Variants in LRRC72 observed in about 807,000 individuals in gnomAD.
LRRC72 encodes leucine-rich repeat-containing protein 72.
Under a neutral mutation model 35.8 loss-of-function variants are expected in LRRC72, and 41 were observed. That is an observed-to-expected ratio of 1.15 (90% CI 0.89 to 1.49). The LOEUF (loss-of-function observed/expected upper bound fraction) is 1.49, where lower values mean the gene tolerates loss of function less well. LRRC72 is among the 40% of genes most tolerant of loss of function. The probability of loss-of-function intolerance (pLI) is 0.00; values close to 1 mark genes in which losing one functional copy is unlikely to be tolerated. For synonymous variants in LRRC72, 118 were observed against 119.2 expected, an observed-to-expected ratio of 0.99 and a Z score of 0.07; for missense variants, 389 against 330.7, an observed-to-expected ratio of 1.18 and a Z score of -1.37.
At chr7:16,536,443 A>G (rs925502675) in intron 2 of LRRC72, among the ~76,000 whole-genome samples, 7 of 152,018 alleles carry the variant, frequency 4.6e-5, no homozygotes, top group African/African-American at 1.4e-4. Flanking sequence ...CACATGCTGA[A>G]CTCCTTAAGC....
At chr7:16,535,398 A>G (rs1442177953) in intron 2 of LRRC72, among the ~76,000 whole-genome samples, 1 of 152,176 alleles carries the variant, frequency 6.6e-6, no homozygotes, top group Non-Finnish European at 1.5e-5. Flanking sequence ...AATGAATGAG[A>G]TAGAAGAGGA....
chr7:16,534,467 A>G (rs1782219195), intron 2 of LRRC72, among the ~76,000 whole-genome samples: 2 of 152,178 alleles, frequency 1.3e-5, no homozygotes, highest in African/African-American at 4.8e-5. Flanking sequence ...AAAAAGAAAA[A>G]TGAAAATGAA....
intron 3 of LRRC72, among the ~76,000 whole-genome samples, chr7:16,542,990 T>C (rs528509671): frequency 1.4e-4 from 21 of 152,316 alleles, no homozygotes; most frequent in Non-Finnish European, 2.8e-4. Flanking sequence ...TGAGTGGTTA[T>C]GGGATAAGTA....
chr7:16,560,663 C>G (rs1001663977), intron 5 of LRRC72, among the ~76,000 whole-genome samples: 2 of 151,176 alleles, frequency 1.3e-5, no homozygotes, highest in Non-Finnish European at 2.9e-5. Flanking sequence ...CTCAGGGTTG[C>G]TTCAAACATT....
chr7:16,557,026 G>C (rs6968892), intron 3 of LRRC72, among the ~76,000 whole-genome samples: 35,857 of 152,086 alleles, frequency 0.24, 5,103 homozygotes, highest in African/African-American at 0.37. Flanking sequence ...TCTAGTGAGA[G>C]TGTATGGAGC....
intron 3 of LRRC72, 50 bp downstream of exon 3, chr7:16,537,746 A>C: frequency 9.1e-7 from 1 of 1,104,052 alleles, no homozygotes; most frequent in Non-Finnish European, 1.3e-6. Flanking sequence ...TACTATCTTA[A>C]TTTTGTATTC....
chr7:16,537,353 C>T (rs12669350), intron 2 of LRRC72, among the ~76,000 whole-genome samples: 27,304 of 152,114 alleles, frequency 0.18, 2,696 homozygotes, highest in East Asian at 0.35. Context: ...ATTAAGGTTC[C>T]AATAAATTCA....
chr7:16,572,469 T>G (rs1258915856), intron 7 of LRRC72, among the ~76,000 whole-genome samples: 2 of 152,172 alleles, frequency 1.3e-5, no homozygotes, highest in African/African-American at 4.8e-5. Context: ...TCAAGCCAGC[T>G]TCATCCTTGG....
chr7:16,532,452 G>T (rs1324760936), intron 1 of LRRC72, 43 bp from the exon 2 acceptor site: 1 of 1,449,240 alleles, frequency 6.9e-7, no homozygotes. Context: ...CAGCACTTTT[G>T]TTCATTGGAA....
intron 5 of LRRC72, 120 bp downstream of exon 5, chr7:16,559,119 C>A: frequency 1.8e-6 from 1 of 562,462 alleles, no homozygotes; most frequent in Non-Finnish European, 3.1e-6. Context: ...TTAGGCTGGG[C>A]ACTGTGACTC....
In LRRC72 at chr7:16,558,541, C is replaced by T. The variant is rs1366515294; in HGVS notation, c.317-348C>T. Among the ~76,000 whole-genome samples, 15 of 151,824 alleles carry T rather than the reference C, an allele frequency of 9.9e-5. No individual in the cohort carries two copies. In the South Asian group the frequency reaches 2.5e-3, roughly 25 times the overall value. ...AGGAGAATCCCTTGAACCCAGGAGG[C>T]GGAGGTTACAGTGACCCGAGATTGT... On this transcript the variant is annotated intron_variant, in intron 4 of 8. Transcript: ENST00000401542.
In LRRC72 at chr7:16,542,646, A is replaced by G. The variant is rs189852200; in HGVS notation, c.234+4950A>G. On this transcript the variant is annotated intron_variant, in intron 3 of 8. Transcript: ENST00000401542. ...GAGCTCCTGATAAGCCTTTCCAAAG[A>G]AAGCAATCAGATATGCATCTATCTC... is the stretch of plus-strand genomic sequence containing the variant. Among the ~76,000 whole-genome samples, 385 of 152,344 alleles carry G rather than the reference A, an allele frequency of 2.5e-3. 2 individuals are homozygous for G. Among genetic ancestry groups the G allele is most frequent in the African/African-American group, 8.8e-3 (368 of 41,584 alleles).
chr7:16,562,011 A>T lies in LRRC72; in HGVS notation c.427+3012A>T, dbSNP rs551303086. ...CTTCAGAGGGTGAGAAAATAGCCTG[A>T]AGGGCAAAACGCTAATCCATTCTCA... On this transcript the variant is annotated intron_variant, in intron 5 of 8. Transcript: ENST00000401542. 8.5e-5 allele frequency among the ~76,000 whole-genome samples: 13 copies of T among 152,338 alleles called. No individual in the cohort carries two copies. In the South Asian group the frequency reaches 1.2e-3, roughly 15 times the overall value.
intron 3 of LRRC72, among the ~76,000 whole-genome samples, chr7:16,543,407 A>G (rs1782393452): frequency 1.3e-5 from 2 of 152,234 alleles, no homozygotes; most frequent in African/African-American, 4.8e-5. Flanking sequence ...AGAAAAATAA[A>G]GGGAATGCAT....
intron 7 of LRRC72, among the ~76,000 whole-genome samples, chr7:16,574,108 T>C (rs998862711): frequency 6.6e-6 from 1 of 152,184 alleles, no homozygotes. Context: ...AGATACCAAC[T>C]CATGCCAGTT....
intron 3 of LRRC72, among the ~76,000 whole-genome samples, chr7:16,549,271 A>C (rs1782506810): frequency 6.6e-6 from 1 of 152,214 alleles, no homozygotes; most frequent in African/African-American, 2.4e-5. Context: ...AGTACTAGTT[A>C]AGGTAACAGA....
chr7:16,533,711 T>C (rs76759911), intron 2 of LRRC72, among the ~76,000 whole-genome samples: 13,155 of 152,170 alleles, frequency 0.086, 661 homozygotes, highest in East Asian at 0.15. Context: ...TGTTTACCTT[T>C]GTAATGGCTC....
chr7:16,539,803 T>G (rs1271281144), intron 3 of LRRC72, among the ~76,000 whole-genome samples: 1 of 152,202 alleles, frequency 6.6e-6, no homozygotes, highest in Non-Finnish European at 1.5e-5. Flanking sequence ...CACATGGTGT[T>G]GGGCCTGCAG....
intron 3 of LRRC72, among the ~76,000 whole-genome samples, chr7:16,548,678 G>T (rs1782494066): frequency 1.3e-5 from 2 of 152,200 alleles, no homozygotes; most frequent in South Asian, 4.1e-4. Context: ...TCTGTGCCTG[G>T]CTCACTCTTG....
Sources: allele counts gnomAD v4.1 joint callset (sites outside exome capture counted in the v4.1 genomes callset), GRCh38; gene constraint gnomAD v4.1.1; transcripts MANE v1.5; gene names NCBI Gene and HGNC (gene_info 2026-07-23, HGNC 2026-07-21).